The following GCFC2 variants were observed in gnomAD, a reference collection of about 807,000 sequenced individuals.
GCFC2 encodes intron Large complex component GCFC2.
In GCFC2, 102 loss-of-function variants were observed where a neutral mutation model predicts 99.4. The ratio of observed to expected loss-of-function variants is 1.03; its 90% confidence interval spans 0.87 to 1.21. GCFC2 has a LOEUF of 1.21. GCFC2 is among the 50% of genes most tolerant of loss of function. The probability of loss-of-function intolerance (pLI) is 0.00; values close to 1 mark genes in which losing one functional copy is unlikely to be tolerated. For missense variants in GCFC2, 973 were observed against 920.9 expected, an observed-to-expected ratio of 1.06 and a Z score of -0.73; for synonymous variants, 338 against 316.8, an observed-to-expected ratio of 1.07 and a Z score of -0.71.
At chr2:75,676,003 C>G (rs1232093482) in intron 12 of GCFC2, among the ~76,000 whole-genome samples, 1 of 152,008 alleles carries the variant, frequency 6.6e-6, no homozygotes, top group Non-Finnish European at 1.5e-5. Context: ...TTCTCTATAT[C>G]CATGGAGGTA....
chr2:75,710,680 T>G lies in GCFC2; in HGVS notation c.176A>C (p.His59Pro). The change falls in exon 1 of 17, where the codon CAC becomes CCC. Residue 59 changes from histidine (H) to proline (P), a missense_variant. By Grantham distance (77) the His-to-Pro change is moderately conservative. Transcript: ENST00000321027. Reference sequence around the variant, plus strand: ...CCGGCCACGAGGGCCCCGAACCCGGTGGGGCAGTCCCGCCACCTGCGCGCG... The same window carrying G: ...CCGGCCACGAGGGCCCCGAACCCGGGGGGGCAGTCCCGCCACCTGCGCGCG... ...GGRAQVAGLP[H>P]RVRGPRGRGR... 1 of 1,524,816 alleles carries G rather than the reference T, an allele frequency of 6.6e-7. No individual in the cohort carries two copies. The highest frequency in any genetic ancestry group is 8.8e-7 in the Non-Finnish European group (1 of 1,141,566). The allele number at this position is 1,524,816 out of a possible 1,614,324, so 94.5% of individuals were successfully genotyped here.
At chr2:75,684,532 A>T (rs553435650) in intron 11 of GCFC2, among the ~76,000 whole-genome samples, 1 of 152,364 alleles carries the variant, frequency 6.6e-6, no homozygotes, top group East Asian at 1.9e-4. Context: ...AGCAGGAAAG[A>T]TCTAAAATCG....
chr2:75,693,385 A>C (rs1680173251), intron 6 of GCFC2, among the ~76,000 whole-genome samples: 1 of 152,178 alleles, frequency 6.6e-6, no homozygotes, highest in Non-Finnish European at 1.5e-5. Context: ...GGTTGCATTG[A>C]GCTGAGATCG....
chr2:75,668,572 T>C (rs1426683910), intron 15 of GCFC2, among the ~76,000 whole-genome samples: 6 of 152,188 alleles, frequency 3.9e-5, no homozygotes, highest in African/African-American at 1.4e-4. Context: ...TATTTTCCCA[T>C]ATTCTTAAAA....
At chr2:75,699,893 G>A (rs957090630) in intron 4 of GCFC2, among the ~76,000 whole-genome samples, 7 of 147,000 alleles carry the variant, frequency 4.8e-5, no homozygotes, top group African/African-American at 7.5e-5. Context: ...GGGCTTTAAC[G>A]TTGTTTTTTT....
chr2:75,695,377 A>G (rs552925363), intron 5 of GCFC2, among the ~76,000 whole-genome samples: 1 of 152,324 alleles, frequency 6.6e-6, no homozygotes, highest in African/African-American at 2.4e-5. Flanking sequence ...TGTCCAACAG[A>G]GAAGTATTTA....
upstream of GCFC2, among the ~76,000 whole-genome samples, chr2:75,712,611 CG>C (rs575177516): frequency 3.1e-3 from 474 of 151,958 alleles, 1 homozygote; most frequent in Middle Eastern, 6.8e-3. Context: ...TTTGTTCTTT[CG>C]CTCTTTGCAA....
chr2:75,694,727 A>C (rs1476975979), intron 5 of GCFC2, among the ~76,000 whole-genome samples: 1 of 152,176 alleles, frequency 6.6e-6, no homozygotes, highest in African/African-American at 2.4e-5. Flanking sequence ...TATTAATAAA[A>C]TGTTTTAGTT....
intron 1 of GCFC2, among the ~76,000 whole-genome samples, chr2:75,707,691 C>A (rs1463384582): frequency 6.6e-6 from 1 of 152,098 alleles, no homozygotes; most frequent in African/African-American, 2.4e-5. Flanking sequence ...CCCTGGAGGT[C>A]CTTGAGACTC....
chr2:75,711,209 T>C (rs1681169707), upstream of GCFC2: 1 of 985,214 alleles, frequency 1.0e-6, no homozygotes, highest in Non-Finnish European at 1.2e-6. Flanking sequence ...GCGTTATGCT[T>C]TCCGTCCTGG....
Position 75,669,885 on chromosome 2 carries a change from TGG to T in GCFC2, c.2103+251_2103+252del, listed in dbSNP as rs1558730416. On this transcript the variant is annotated intron_variant, in intron 15 of 16. Coordinates refer to ENST00000321027, the MANE Select transcript of GCFC2 (RefSeq NM_003203.5). ...GATTACAGGTGTTAGCCACCGCACC[TGG>T]CTAATTTTTGTATCTTTAGTAGAGA... 5 of 221,338 alleles carry T rather than the reference TGG, an allele frequency of 2.3e-5. No homozygotes were observed. The East Asian group carries it at 4.5e-4, about 20-fold the overall frequency. The allele number at this position is 221,338 out of a possible 1,614,324, so 13.7% of individuals were successfully genotyped here.
At position 75,662,967 on chromosome 2, in the gene GCFC2, A is replaced by G. The variant is rs1037110222; in HGVS notation, c.*1699T>C. Reference sequence around the variant, plus strand: ...AAACACGTAACATTTTTGTAAATAGAGAAAAGGTCTAAAAGGATAACATTA... The same window carrying G: ...AAACACGTAACATTTTTGTAAATAGGGAAAAGGTCTAAAAGGATAACATTA... On this transcript the variant is annotated 3_prime_UTR_variant, in exon 17 of 17. Transcript: ENST00000321027. 6.6e-6 allele frequency: 1 copy of G among 151,768 alleles called. No individual in the cohort carries two copies. Among genetic ancestry groups the G allele is most frequent in the East Asian group, 1.9e-4 (1 of 5,188 alleles). The allele number at this position is 151,768 out of a possible 1,614,324, so 9.4% of individuals were successfully genotyped here.
intron 13 of GCFC2, among the ~76,000 whole-genome samples, chr2:75,672,446 G>T (rs1171566825): frequency 2.0e-5 from 3 of 151,306 alleles, no homozygotes; most frequent in African/African-American, 7.3e-5. Flanking sequence ...TATAAACAAA[G>T]TTTACCAAGG....
At chr2:75,672,064 G>C (rs1679114095) in intron 13 of GCFC2, 48 bp from the exon 14 acceptor site, 1 of 1,011,458 alleles carries the variant, frequency 9.9e-7, no homozygotes, top group Non-Finnish European at 1.5e-6. Context: ...AGAACTATTA[G>C]TCTTTCAGAA....
rs186465722 is a variant in GCFC2 at position 75,673,173 on chromosome 2, G to A, written c.1889+271C>T. ...AATATACAAAAAATTAGCCGGGCGT[G>A]GTGGCGGGCGCCTGTAGTCCCAGCC... On this transcript the variant is annotated intron_variant, in intron 13 of 16. Coordinates refer to ENST00000321027, the MANE Select transcript of GCFC2 (RefSeq NM_003203.5). Among the ~76,000 whole-genome samples, 364 of 152,276 alleles carry A rather than the reference G, an allele frequency of 2.4e-3. 1 individual carries two copies. The highest frequency in any genetic ancestry group is 5.1e-3 in the Admixed American group (78 of 15,304).
chr2:75,686,926 G>A (rs1360062387), intron 11 of GCFC2, among the ~76,000 whole-genome samples: 2 of 140,940 alleles, frequency 1.4e-5, no homozygotes, highest in Non-Finnish European at 3.0e-5. Flanking sequence ...AAATGTGAGT[G>A]AAATGAAGCA....
chr2:75,669,897 G>A, intron 15 of GCFC2: 1 of 239,968 alleles, frequency 4.2e-6, no homozygotes, highest in Non-Finnish European at 8.2e-6. Flanking sequence ...GCTAATTTTT[G>A]TATCTTTAGT....
intron 8 of GCFC2, 78 bp from the exon 9 acceptor site, chr2:75,690,159 C>A (rs546384742): frequency 5.3e-6 from 4 of 758,740 alleles, no homozygotes; most frequent in Admixed American, 5.0e-5. Flanking sequence ...TTTTTTTTAA[C>A]CTCTTGCTGA....
chr2:75,691,622 G>A (rs1319920606), intron 7 of GCFC2, among the ~76,000 whole-genome samples: 1 of 152,044 alleles, frequency 6.6e-6, no homozygotes, highest in Non-Finnish European at 1.5e-5. Context: ...CTTAAAATCT[G>A]TATTGAAACT....
Sources: allele counts gnomAD v4.1 joint callset (sites outside exome capture counted in the v4.1 genomes callset), GRCh38; gene constraint gnomAD v4.1.1; transcripts MANE v1.5; gene names NCBI Gene and HGNC (gene_info 2026-07-23, HGNC 2026-07-21).